The following KIAA2013 variants were observed in gnomAD, a reference collection of about 807,000 sequenced individuals.
The protein encoded by KIAA2013 is KIAA2013, also known as uncharacterized protein KIAA2013.
A neutral mutation model predicts 39.9 loss-of-function variants in KIAA2013; 20 were observed. That is an observed-to-expected ratio of 0.50 (90% CI 0.35 to 0.73). The LOEUF (loss-of-function observed/expected upper bound fraction) is 0.73. KIAA2013 is among the 30% of genes least tolerant of loss of function. The pLI is 0.01. For missense variants in KIAA2013, 587 were observed against 856.1 expected (o/e 0.69, Z 3.92); for synonymous variants, 336 against 416.6 (o/e 0.81, Z 2.35).
Position 11,925,791 on chromosome 1 carries a change from C to A in KIAA2013, c.447G>T (p.Leu149=). The A allele has an allele frequency of 6.5e-7, 1 of 1,544,892 alleles. No homozygotes were observed. Among genetic ancestry groups the A allele is most frequent in the East Asian group, 2.4e-5 (1 of 41,592 alleles). ...CCAGCTGCAGGCAACGCACGCGGCG[C>A]AGAAGCCCCTCCCGCAGCAGCAGCA... The part of the protein sequence containing the change: ...EAVLLLREGL[L]RRVRCLQLGS... Residue 149 remains leucine, a synonymous_variant, in exon 1 of 3, where the codon CTG becomes CTT. Transcript: ENST00000376572. This position sits in a 1 kb window ranked among gnomAD's most constrained non-coding sequence, Gnocchi z 5.2.
Position 11,923,548 on chromosome 1 carries a change from C to G in KIAA2013, c.1034-59G>C. 1 of 1,560,438 alleles carries G rather than the reference C, an allele frequency of 6.4e-7. No homozygotes were observed. The highest frequency in any genetic ancestry group is 8.7e-7 in the Non-Finnish European group (1 of 1,151,224). ...AAGGACAGCTGGGAGGCAGAGCATA[C>G]GAAATAAAGACCAAGGGCAGCAGAA... On this transcript the variant is annotated intron_variant, in intron 1 of 2. Transcript: ENST00000376572. The surrounding 1 kb of genome is among the most constrained non-coding windows in gnomAD (Gnocchi z 4.6).
Position 11,920,144 on chromosome 1 carries a change from T to A in KIAA2013, c.*171A>T. 1.3e-6 allele frequency: 1 copy of A among 741,754 alleles called. No individual in the cohort carries two copies. Among genetic ancestry groups the A allele is most frequent in the Non-Finnish European group, 2.4e-6 (1 of 412,282 alleles). 45.9% of individuals were successfully genotyped at this position (741,754 alleles called of 1,614,324 possible). A position where few individuals can be genotyped will look rare whatever the true frequency, so the allele number is the denominator to read the frequency against. ...CCCTTCCCTCCCCACGTGACACTCA[T>A]TCCTTCCAATGCAAACTCTGGTGTA... is the stretch of plus-strand genomic sequence containing the variant. On this transcript the variant is annotated 3_prime_UTR_variant, in exon 3 of 3. Coordinates refer to ENST00000376572, the MANE Select transcript of KIAA2013 (RefSeq NM_138346.3).
rs936996319 is a variant in KIAA2013 at position 11,925,628 on chromosome 1, G to T, written c.610C>A (p.Gln204Lys). 4 of 1,609,248 alleles carry T rather than the reference G, an allele frequency of 2.5e-6. No homozygotes were observed. In the African/African-American group the frequency reaches 5.3e-5, roughly 21 times the overall value. ...GTGGGGTTGTTGAGCTGGATGCGCT[G>T]CAGGTAGACGTGGGGTCGGCCCCTG... ...AHRGRPHVYL[Q>K]RIQLNNPTER... Residue 204 changes from glutamine to lysine, a missense_variant, in exon 1 of 3, where the codon CAG becomes AAG. Physicochemically the swap from Gln to Lys is moderately conservative, Grantham distance 53 (BLOSUM62 1). Coordinates refer to ENST00000376572, the MANE Select transcript of KIAA2013 (RefSeq NM_138346.3). This position sits in a 1 kb window ranked among gnomAD's most constrained non-coding sequence, Gnocchi z 5.2.
chr1:11,924,133 A>G (rs1645491299), intron 1 of KIAA2013, among the ~76,000 whole-genome samples: 1 of 151,982 alleles, frequency 6.6e-6, no homozygotes, highest in South Asian at 2.1e-4. Context: ...CCTAAGATTT[A>G]AAAACATACA....
Position 11,923,480 on chromosome 1 carries a change from A to G in KIAA2013, c.1043T>C (p.Met348Thr). 2.5e-6 allele frequency: 4 copies of G among 1,605,008 alleles called. No individual in the cohort carries two copies. Among genetic ancestry groups the G allele is most frequent in the Non-Finnish European group, 3.4e-6 (4 of 1,179,926 alleles). ...CGTGTGGGTGTCAGTGATCTTCTTC[A>G]TTTCCACTCCTGCAACACCATGAAA... ...WAQLFSPGVE[M>T]KKITDTHTPS... The change falls in exon 2 of 3, where the codon ATG (methionine) becomes ACG (threonine). Residue 348 changes from methionine (M) to threonine (T), a missense_variant. Physicochemically the swap from Met to Thr is moderately conservative, Grantham distance 81 (BLOSUM62 -1). Coordinates refer to ENST00000376572, the MANE Select transcript of KIAA2013 (RefSeq NM_138346.3). This position sits in a 1 kb window ranked among gnomAD's most constrained non-coding sequence, Gnocchi z 4.6.
Position 11,926,221 on chromosome 1 carries a change from C to CGCT in KIAA2013, c.14_16dup (p.Gln5dup). ...CAGCAGTCCCGGCAGCCCCTTGAGC[C>CGCT]GCTGCTGCAGCCACATCGGGCCGCC... On this transcript the variant is annotated inframe_insertion, in exon 1 of 3. Coordinates refer to ENST00000376572, the MANE Select transcript of KIAA2013 (RefSeq NM_138346.3). The CGCT allele has an allele frequency of 1.6e-6, 2 of 1,286,852 alleles. No individual in the cohort carries two copies. Among genetic ancestry groups the CGCT allele is most frequent in the South Asian group, 3.4e-5 (2 of 59,284 alleles). 79.7% of individuals were successfully genotyped at this position (1,286,852 alleles called of 1,614,324 possible).
chr1:11,922,186 C>A, intron 2 of KIAA2013: 3 of 133,562 alleles, frequency 2.2e-5, no homozygotes, highest in South Asian at 2.6e-4. Flanking sequence ...CTTTTATTTG[C>A]TTTTTTGTTT....
chr1:11,924,202 G>A (rs1399089352), intron 1 of KIAA2013, among the ~76,000 whole-genome samples: 2 of 149,048 alleles, frequency 1.3e-5, no homozygotes, highest in East Asian at 4.1e-4. Flanking sequence ...GGTGGCTCAC[G>A]CCTGTAATCC....
At position 11,925,761 on chromosome 1, in the gene KIAA2013, G is replaced by A. The variant is rs771057158; in HGVS notation, c.477C>T (p.Ser159=). 5.8e-6 allele frequency: 9 copies of A among 1,546,012 alleles called. No homozygotes were observed. The East Asian group carries it at 1.9e-4, about 32-fold the overall frequency. ...CGGCGGCCACGGGGCCAGGACCTGG[G>A]GACCCCAGCTGCAGGCAACGCACGC... ...LRRVRCLQLG[S]PGPGPVAAGP... is the part of the protein sequence containing the mutation. The change falls in exon 1 of 3, where the codon TCC becomes TCT. Residue 159 remains serine (S), a synonymous_variant. Transcript: ENST00000376572. The surrounding 1 kb of genome is among the most constrained non-coding windows in gnomAD (Gnocchi z 5.2).
rs563251524 is a variant in KIAA2013, at chr1:11,926,125, G to A, written c.113C>T (p.Ser38Phe). ...LLLLLLWFGG[S>F]GARRAAGGLH... ...GCCGCCCGCCGCCCGCCGCGCGCCG[G>A]ACCCCCCAAACCACAGAAGCAGCAG... The change falls in exon 1 of 3, where the codon TCC becomes TTC. Residue 38 changes from serine to phenylalanine, a missense_variant. Transcript: ENST00000376572. The A allele has an allele frequency of 1.1e-5, 16 of 1,406,552 alleles. No homozygotes were observed. The highest frequency in any genetic ancestry group is 1.5e-5 in the African/African-American group (1 of 66,126). 87.1% of individuals were successfully genotyped at this position (1,406,552 alleles called of 1,614,324 possible).
At chr1:11,920,449 T>C (rs1645467685) in intron 2 of KIAA2013, 117 bp from the exon 3 acceptor site, 4 of 1,055,006 alleles carry the variant, frequency 3.8e-6, no homozygotes, top group Non-Finnish European at 5.9e-6. Flanking sequence ...TGACCCAGCC[T>C]TGCAGAATTA....
At position 11,923,937 on chromosome 1, in the gene KIAA2013, C is replaced by T. The variant is rs927413418; in HGVS notation, c.1034-448G>A. ...TTGCCCAGGCTTGAGTGCAGTGGAA[C>T]GATCTCAGGTTACTACAGCCTCCGC... On this transcript the variant is annotated intron_variant, in intron 1 of 2. Transcript: ENST00000376572. The surrounding 1 kb of genome is among the most constrained non-coding windows in gnomAD (Gnocchi z 4.6). 3.3e-5 allele frequency among the ~76,000 whole-genome samples: 5 copies of T among 152,120 alleles called. No individual in the cohort carries two copies. The highest frequency in any genetic ancestry group is 9.7e-5 in the African/African-American group (4 of 41,408).
In KIAA2013 at chr1:11,923,606, G is replaced by T. The variant is rs1257838475; in HGVS notation, c.1034-117C>A. On this transcript the variant is annotated intron_variant, in intron 1 of 2. Transcript: ENST00000376572. This position sits in a 1 kb window ranked among gnomAD's most constrained non-coding sequence, Gnocchi z 4.6. ...GTGTTGTGCCTTAATGATAAAGACA[G>T]TGGTGCCCATCTCCCTAAAGTATAG... 8 of 1,068,714 alleles carry T rather than the reference G, an allele frequency of 7.5e-6. No homozygotes were observed. Among genetic ancestry groups the T allele is most frequent in the East Asian group, 2.4e-5 (1 of 42,222 alleles). The allele number at this position is 1,068,714 out of a possible 1,614,324, so 66.2% of individuals were successfully genotyped here.
At position 11,923,968 on chromosome 1, in the gene KIAA2013, G is replaced by A. The variant is rs35557066; in HGVS notation, c.1034-479C>T. Among the ~76,000 whole-genome samples, 5,536 of 152,148 alleles carry A rather than the reference G, an allele frequency of 0.036. 132 individuals carry two copies. Among genetic ancestry groups the A allele is most frequent in the Non-Finnish European group, 0.05 (3,384 of 67,998 alleles). On this transcript the variant is annotated intron_variant, in intron 1 of 2. Transcript: ENST00000376572. The surrounding 1 kb of genome is among the most constrained non-coding windows in gnomAD (Gnocchi z 4.6). The stretch of plus-strand genomic sequence containing the variant: ...CAGGTTACTACAGCCTCCGCCTCCC[G>A]GGTTCAAGTGATTCTCCCGTCTCAG...
chr1:11,923,598 T>C lies in KIAA2013; in HGVS notation c.1034-109A>G. ...AGAGTGAGGTGTTGTGCCTTAATGA[T>C]AAAGACAGTGGTGCCCATCTCCCTA... is the stretch of plus-strand genomic sequence containing the variant. On this transcript the variant is annotated intron_variant, in intron 1 of 2. Coordinates refer to ENST00000376572, the MANE Select transcript of KIAA2013 (RefSeq NM_138346.3). This position sits in a 1 kb window ranked among gnomAD's most constrained non-coding sequence, Gnocchi z 4.6. 1 of 1,158,456 alleles carries C rather than the reference T, an allele frequency of 8.6e-7. No individual in the cohort carries two copies. The highest frequency in any genetic ancestry group is 1.2e-6 in the Non-Finnish European group (1 of 807,316). The allele number at this position is 1,158,456 out of a possible 1,614,324, so 71.8% of individuals were successfully genotyped here. A position where few individuals can be genotyped will look rare whatever the true frequency, so the allele number is the denominator to read the frequency against.
At chr1:11,921,539 ATTAT>A (rs1321998311) in intron 2 of KIAA2013, among the ~76,000 whole-genome samples, 3 of 150,982 alleles carry the variant, frequency 2.0e-5, no homozygotes, top group East Asian at 1.9e-4. Flanking sequence ...TATTATTATT[ATTAT>A]TTATTATTTA....
At position 11,925,592 on chromosome 1, in the gene KIAA2013, C is replaced by A; in HGVS notation, c.646G>T (p.Ala216Ser). The change falls in exon 1 of 3, where the codon GCC (alanine) becomes TCC (serine). Residue 216 changes from alanine to serine, a missense_variant. Physicochemically the swap from Ala to Ser is moderately conservative, Grantham distance 99. Transcript: ENST00000376572. This position sits in a 1 kb window ranked among gnomAD's most constrained non-coding sequence, Gnocchi z 5.2. ...IQLNNPTERVAALQTVGPTAG... is the reference protein window; with the variant it reads ...IQLNNPTERVSALQTVGPTAG... ...GTGGGCCCCACAGTCTGCAGCGCGG[C>A]CACGCGCTCCGTGGGGTTGTTGAGC... is the stretch of plus-strand genomic sequence containing the variant. The A allele has an allele frequency of 6.2e-7, 1 of 1,609,766 alleles. No individual in the cohort carries two copies. Among genetic ancestry groups the A allele is most frequent in the East Asian group, 2.2e-5 (1 of 44,814 alleles).
Position 11,923,543 on chromosome 1 carries a change from G to T in KIAA2013, c.1034-54C>A. On this transcript the variant is annotated intron_variant, in intron 1 of 2. Transcript: ENST00000376572. This position sits in a 1 kb window ranked among gnomAD's most constrained non-coding sequence, Gnocchi z 4.6. ...GGGGGAAGGACAGCTGGGAGGCAGA[G>T]CATACGAAATAAAGACCAAGGGCAG... The T allele has an allele frequency of 1.3e-6, 2 of 1,577,290 alleles. No homozygotes were observed. The highest frequency in any genetic ancestry group is 2.3e-5 in the South Asian group (2 of 88,806).
At position 11,923,433 on chromosome 1, in the gene KIAA2013, G is replaced by A. The variant is rs1645487452; in HGVS notation, c.1090C>T (p.Leu364=). The change falls in exon 2 of 3, where the codon CTG becomes TTG. Residue 364 remains leucine, a synonymous_variant. Transcript: ENST00000376572. The surrounding 1 kb of genome is among the most constrained non-coding windows in gnomAD (Gnocchi z 4.6). ...CAGGAGAGCATGTAATAGAGCGTCA[G>A]GTTCACGGTGAGGCCAGACGGCGTG... ...THTPSGLTVN[L]TLYYMLSCSP... is the part of the protein sequence containing the mutation. The A allele has an allele frequency of 1.2e-6, 2 of 1,611,286 alleles. No homozygotes were observed. The highest frequency in any genetic ancestry group is 8.5e-7 in the Non-Finnish European group (1 of 1,180,028).
Sources: gnomAD v4.1 joint callset for allele counts (sites outside exome capture counted in the v4.1 genomes callset) on GRCh38, gnomAD v4.1.1 for gene constraint, Gnocchi (gnomAD v3.1) non-coding constraint, MANE v1.5 for transcripts, NCBI Gene and HGNC (gene_info 2026-07-23, HGNC 2026-07-21) for gene names.